ZNF644: variants seen among roughly 807,000 people sequenced by gnomAD.
ZNF644 encodes the protein zinc finger protein 644.
Under a neutral mutation model 108.0 loss-of-function variants are expected in ZNF644, and 20 were observed. The ratio of observed to expected loss-of-function variants is 0.19; its 90% CI spans 0.13 to 0.27. The LOEUF (loss-of-function observed/expected upper bound fraction) is 0.27, where lower values mean the gene tolerates loss of function less well. ZNF644 is among the 10% of genes least tolerant of loss of function. The pLI is 1.00. For missense variants in ZNF644, 1,338 were observed against 1,548.9 expected, an observed-to-expected ratio of 0.86 and a Z score of 2.29; for synonymous variants, 542 against 539.1, an observed-to-expected ratio of 1.01 and a Z score of -0.08.
intron 2 of ZNF644, among the ~76,000 whole-genome samples, chr1:90,960,913 G>A (rs1252670761): frequency 6.6e-6 from 1 of 152,022 alleles, no homozygotes; most frequent in African/African-American, 2.4e-5. Context: ...TGCCAACTCA[G>A]AATCCTAAAC....
chr1:90,946,598 A>T (rs1170495670), intron 2 of ZNF644, among the ~76,000 whole-genome samples: 1 of 152,134 alleles, frequency 6.6e-6, no homozygotes, highest in African/African-American at 2.4e-5. Context: ...ACCTGAAATA[A>T]TCCTTTAGTT....
In ZNF644 at chr1:90,985,251, ATAG is replaced by A. The variant is rs528854799; in HGVS notation, c.-17-2884_-17-2882del. On this transcript the variant is annotated intron_variant, in intron 1 of 5. Transcript: ENST00000337393. The stretch of plus-strand genomic sequence containing the variant: ...ATGTGATGTTTTGACATATGCTTAC[ATAG>A]TAGAATGATTAATTCATGCTAATTA... 1.1e-4 allele frequency among the ~76,000 whole-genome samples: 16 copies of A among 152,340 alleles called. 1 individual carries two copies. The South Asian group carries it at 3.3e-3, about 32-fold the overall frequency.
At chr1:91,009,989 A>G (rs1000222747) in intron 1 of ZNF644, among the ~76,000 whole-genome samples, 6 of 152,120 alleles carry the variant, frequency 3.9e-5, no homozygotes, top group African/African-American at 1.2e-4. Flanking sequence ...TCACAAAGAT[A>G]ATAATCACCA....
chr1:90,993,634 T>C (rs575056323), intron 1 of ZNF644, among the ~76,000 whole-genome samples: 97 of 152,302 alleles, frequency 6.4e-4, no homozygotes, highest in Non-Finnish European at 1.2e-3. Context: ...CTCTTAACTT[T>C]TGAAGACAAG....
At chr1:90,949,375 G>GA (rs1652852180) in intron 2 of ZNF644, among the ~76,000 whole-genome samples, 1 of 151,868 alleles carries the variant, frequency 6.6e-6, no homozygotes, top group South Asian at 2.1e-4. Context: ...TCTGAAACCA[G>GA]AAAAAATCCA....
Position 90,939,920 on chromosome 1 carries a change from C to T in ZNF644, c.1434G>A (p.Met478Ile), listed in dbSNP as rs1424685253. ...IIHQERRQKL[M>I]EEIRELKELQ... ...GTTCTTTCAATTCACGAATTTCCTC[C>T]ATCAACTTCTGTCTTCTCTCCTGGT... Residue 478 changes from methionine to isoleucine, a missense_variant, in exon 3 of 6, where the codon ATG becomes ATA. Met to Ile is a conservative substitution (Grantham distance 10). Around this residue, in one of 6 missense-constraint regions of ZNF644, gnomAD observed 80 missense variants for 183.0 expected, o/e 0.44. Transcript: ENST00000337393. 6 of 1,614,058 alleles carry T rather than the reference C, an allele frequency of 3.7e-6. No homozygotes were observed. The highest frequency in any genetic ancestry group is 3.4e-6 in the Non-Finnish European group (4 of 1,179,962).
intron 2 of ZNF644, 81 bp from the exon 3 acceptor site, chr1:90,941,390 T>C: frequency 8.1e-7 from 1 of 1,238,368 alleles, no homozygotes. Flanking sequence ...AAAGTACATA[T>C]TTTTATTAGT....
chr1:91,004,224 T>C (rs1270696898), intron 1 of ZNF644, among the ~76,000 whole-genome samples: 2 of 146,986 alleles, frequency 1.4e-5, no homozygotes, highest in Admixed American at 6.9e-5. Context: ...CTCAAGGAAC[T>C]ACACAGAGGA....
intron 1 of ZNF644, among the ~76,000 whole-genome samples, chr1:91,004,896 G>T (rs1659262043): frequency 6.6e-6 from 1 of 151,948 alleles, no homozygotes; most frequent in East Asian, 1.9e-4. Flanking sequence ...AACACAAAAG[G>T]CAGCACTACA....
chr1:90,944,845 AC>A (rs202074495), intron 2 of ZNF644, among the ~76,000 whole-genome samples: 1,924 of 152,304 alleles, frequency 0.013, 39 homozygotes, highest in African/African-American at 0.044. Flanking sequence ...CTTCTTAGTA[AC>A]AGTACTCAAG....
At chr1:90,983,725 G>A (rs1404748796) in intron 1 of ZNF644, among the ~76,000 whole-genome samples, 1 of 152,076 alleles carries the variant, frequency 6.6e-6, no homozygotes, top group Non-Finnish European at 1.5e-5. Flanking sequence ...TCAGGAGTTC[G>A]AAACCAGCCT....
At chr1:90,973,924 A>C (rs1329163601) in intron 2 of ZNF644, among the ~76,000 whole-genome samples, 1 of 152,154 alleles carries the variant, frequency 6.6e-6, no homozygotes, top group Admixed American at 6.5e-5. Context: ...CAGAAGCAGG[A>C]AGGTCTCTCT....
In ZNF644 at chr1:90,917,198, T is replaced by C. The variant is rs1570317295; in HGVS notation, c.3792-208A>G. On this transcript the variant is annotated intron_variant, in intron 5 of 5. Coordinates refer to ENST00000337393, the MANE Select transcript of ZNF644 (RefSeq NM_201269.3). ...CTATAATAAACTCCAGTAATCTTTG[T>C]ATAGGTGGGAGCATTATTATTTTAA... Among the ~76,000 whole-genome samples the C allele has an allele frequency of 1.3e-5, 2 of 152,324 alleles. 1 individual carries two copies. Among genetic ancestry groups the C allele is most frequent in the South Asian group, 4.1e-4 (2 of 4,824 alleles).
chr1:90,989,534 C>A (rs984192056), intron 1 of ZNF644, among the ~76,000 whole-genome samples: 2 of 152,118 alleles, frequency 1.3e-5, no homozygotes, highest in Non-Finnish European at 2.9e-5. Context: ...TATAGCAAGA[C>A]CCTGTTCCAA....
rs766526457 is a variant in ZNF644 at position 90,940,739 on chromosome 1, C to G, written c.615G>C (p.Gln205His). ...ACTTTATATTACTCCCTACTGAATT[C>G]TGAATGTCACAACCAACTGAAGCAG... ...PTSASVGCDI[Q>H]NSVGSNIKSD... The change falls in exon 3 of 6, where the codon CAG becomes CAC. Residue 205 changes from glutamine to histidine, a missense_variant. Transcript: ENST00000337393. The G allele has an allele frequency of 1.9e-5, 31 of 1,613,922 alleles. No homozygotes were observed. The highest frequency in any genetic ancestry group is 2.7e-5 in the African/African-American group (2 of 74,926).
chr1:91,012,431 T>C (rs1012914821), intron 1 of ZNF644, among the ~76,000 whole-genome samples: 4 of 151,690 alleles, frequency 2.6e-5, no homozygotes, highest in African/African-American at 7.3e-5. Flanking sequence ...TGAGCTGAGA[T>C]TGCGCCAATG....
At chr1:90,936,932 A>G (rs537931922) in intron 4 of ZNF644, among the ~76,000 whole-genome samples, 7 of 152,154 alleles carry the variant, frequency 4.6e-5, no homozygotes, top group Non-Finnish European at 1.0e-4. Context: ...AAACCAAACT[A>G]TTCCGCAATA....
chr1:90,999,206 C>T (rs923093588), intron 1 of ZNF644, among the ~76,000 whole-genome samples: 4 of 152,144 alleles, frequency 2.6e-5, no homozygotes, highest in Admixed American at 2.6e-4. Flanking sequence ...CACAAAGATA[C>T]TCCTCGAGAA....
At chr1:90,982,530 A>G (rs924721849) in intron 1 of ZNF644, among the ~76,000 whole-genome samples, 160 bp from the exon 2 acceptor site, 2 of 152,058 alleles carry the variant, frequency 1.3e-5, no homozygotes, top group Non-Finnish European at 2.9e-5. Context: ...CATCATTTTA[A>G]TCTTTAGGAA....
Sources: gnomAD v4.1 joint callset for allele counts (sites outside exome capture counted in the v4.1 genomes callset) on GRCh38, gnomAD v4.1.1 for gene constraint, gnomAD v4.1.1 regional missense constraint, MANE v1.5 for transcripts, NCBI Gene and HGNC (gene_info 2026-07-23, HGNC 2026-07-21) for gene names.